SASH1: variants seen among roughly 807,000 people sequenced by gnomAD.
SASH1 encodes the protein SAM and SH3 domain containing 1.
In SASH1, 44 loss-of-function variants were observed where a neutral mutation model predicts 125.2. The ratio of observed to expected loss-of-function variants is 0.35; its 90% CI spans 0.28 to 0.45. The LOEUF (loss-of-function observed/expected upper bound fraction) is 0.45. SASH1 is among the 20% of genes least tolerant of loss of function. The pLI is 1.00. For synonymous variants in SASH1, 639 were observed against 649.1 expected (o/e 0.98, Z 0.24); for missense variants, 1,426 against 1,614.5 (o/e 0.88, Z 2.00).
intron 8 of SASH1, among the ~76,000 whole-genome samples, chr6:148,502,801 T>C (rs899109013): frequency 6.6e-6 from 1 of 152,212 alleles, no homozygotes; most frequent in African/African-American, 2.4e-5. Flanking sequence ...TGGACTAGGC[T>C]CATGTAGGGA....
chr6:148,316,607 T>G (rs1450753280), intron 1 of SASH1, among the ~76,000 whole-genome samples: 2 of 152,258 alleles, frequency 1.3e-5, no homozygotes, highest in East Asian at 3.8e-4. Context: ...GCGCATTATC[T>G]GGAGTCTCCA....
At chr6:148,399,671 C>T (rs1784097286) in intron 2 of SASH1, among the ~76,000 whole-genome samples, 1 of 152,216 alleles carries the variant, frequency 6.6e-6, no homozygotes, top group African/African-American at 2.4e-5. Context: ...TTTCCATTTG[C>T]ATACAACAGA....
At chr6:148,361,007 A>C (rs575488535) in intron 1 of SASH1, among the ~76,000 whole-genome samples, 1 of 152,304 alleles carries the variant, frequency 6.6e-6, no homozygotes, top group South Asian at 2.1e-4. Context: ...GGACACAGAC[A>C]CAGATGTGCA....
At chr6:148,212,092 C>T in the SASH1 span, among the ~76,000 whole-genome samples, 3 of 152,102 alleles carry the variant, frequency 2.0e-5, no homozygotes, top group South Asian at 2.1e-4. Flanking sequence ...GATAGCTCCC[C>T]GAGGGTACAC....
chr6:148,439,708 C>T (rs988569567), intron 2 of SASH1, among the ~76,000 whole-genome samples: 4 of 151,522 alleles, frequency 2.6e-5, no homozygotes, highest in Non-Finnish European at 4.4e-5. Context: ...ACCTGGAAGG[C>T]GGAGGTTGCA....
rs1368364572 is a variant in SASH1, at chr6:148,527,463, G to A, written c.1295G>A (p.Gly432Glu). 2 of 1,596,692 alleles carry A rather than the reference G, an allele frequency of 1.3e-6. No individual in the cohort carries two copies. The highest frequency in any genetic ancestry group is 1.7e-6 in the Non-Finnish European group (2 of 1,175,080). Residue 432 changes from glycine (G) to glutamate (E), a missense_variant, in exon 12 of 20, where the codon GGA (glycine) becomes GAA (glutamate). Physicochemically the swap from Gly to Glu is moderately conservative, Grantham distance 98. Around this residue, in one of 3 missense-constraint regions of SASH1, gnomAD observed 567 missense variants for 575.6 expected, o/e 0.99. Transcript: ENST00000367467. ...SNNSDPMGKE[G>E]DFVYKEVIKS... The stretch of plus-strand genomic sequence containing the variant: ...CATTTTGTTTTACAGGGTAAAGAAG[G>A]AGACTTTGTGTACAAAGAAGTCATC...
At chr6:148,340,409 G>A (rs1781285931), upstream of SASH1, among the ~76,000 whole-genome samples, 1 of 151,820 alleles carries the variant, frequency 6.6e-6, no homozygotes, top group Non-Finnish European at 1.5e-5. Flanking sequence ...CTTGAACCTG[G>A]GAGGCAGAGG....
the SASH1 span, among the ~76,000 whole-genome samples, chr6:148,211,303 G>T: frequency 2.0e-3 from 310 of 152,306 alleles, 2 homozygotes; most frequent in African/African-American, 7.1e-3. Context: ...GGGCACGGTG[G>T]CTCATGGCTG....
rs77295993 is a variant in SASH1 at position 148,494,861 on chromosome 6, T to C, written c.729+7146T>C. Among the ~76,000 whole-genome samples, 50 of 152,318 alleles carry C rather than the reference T, an allele frequency of 3.3e-4. No homozygotes were observed. The East Asian group carries it at 7.7e-3, about 24-fold the overall frequency. On this transcript the variant is annotated intron_variant, in intron 8 of 19. Coordinates refer to ENST00000367467, the MANE Select transcript of SASH1 (RefSeq NM_015278.5). ...GGAGCTATTTTCAATGTTTCCTTGA[T>C]TGAGGACTTCCAAGGTCTCAACTAA...
chr6:148,519,421 C>T lies in SASH1; in HGVS notation c.863-126C>T, dbSNP rs1334449196. 7 of 661,360 alleles carry T rather than the reference C, an allele frequency of 1.1e-5. No individual in the cohort carries two copies. The South Asian group carries it at 1.2e-4, about 11-fold the overall frequency. 41.0% of individuals were successfully genotyped at this position (661,360 alleles called of 1,614,324 possible). A position where few individuals can be genotyped will look rare whatever the true frequency, so the allele number is the denominator to read the frequency against. Reference sequence around the variant, plus strand: ...CACAGTGTATTTTCATTTTTCTGTACATATGTAAGTGGGAGCTGGGTTTAT... The same window carrying T: ...CACAGTGTATTTTCATTTTTCTGTATATATGTAAGTGGGAGCTGGGTTTAT... On this transcript the variant is annotated intron_variant, in intron 9 of 19. Coordinates refer to ENST00000367467, the MANE Select transcript of SASH1 (RefSeq NM_015278.5). This position sits in a 1 kb window ranked among gnomAD's most constrained non-coding sequence, Gnocchi z 4.8.
upstream of SASH1, among the ~76,000 whole-genome samples, chr6:148,341,317 G>GTTTTTTTTTTT (rs1179914037): frequency 5.8e-5 from 7 of 120,220 alleles, no homozygotes; most frequent in African/African-American, 1.9e-4. Flanking sequence ...GCTATGTTTT[G>GTTTTTTTTTTT]TTTTTTTTTT....
chr6:148,476,235 T>TAATGA (rs912408985), intron 7 of SASH1, among the ~76,000 whole-genome samples: 1 of 59,358 alleles, frequency 1.7e-5, no homozygotes, highest in African/African-American at 7.6e-5. Context: ...AAGCTCTCTA[T>TAATGA]AATGAAAACA....
the SASH1 span, among the ~76,000 whole-genome samples, chr6:148,218,840 T>A: frequency 1.3e-5 from 2 of 152,230 alleles, no homozygotes; most frequent in East Asian, 3.8e-4. Context: ...TTGGCTAGTG[T>A]GCCTGCCTCA....
the SASH1 span, among the ~76,000 whole-genome samples, chr6:148,210,849 C>T: frequency 2.0e-5 from 3 of 152,058 alleles, no homozygotes; most frequent in African/African-American, 7.2e-5. Context: ...AGTAGATCTT[C>T]AAATATTGCT....
intron 3 of SASH1, 59 bp downstream of exon 3, chr6:148,440,293 C>T: frequency 6.2e-7 from 1 of 1,606,736 alleles, no homozygotes; most frequent in Non-Finnish European, 8.5e-7. Flanking sequence ...TTAAGTGACA[C>T]TCTGTACAAA....
chr6:148,542,883 C>G (rs546588855), intron 17 of SASH1, among the ~76,000 whole-genome samples: 1 of 150,958 alleles, frequency 6.6e-6, no homozygotes, highest in Non-Finnish European at 1.5e-5. Flanking sequence ...TGTGTGTGCG[C>G]GCGCACATGT....
Position 148,544,939 on chromosome 6 carries a change from C to G in SASH1, c.3348+121C>G. On this transcript the variant is annotated intron_variant, in intron 18 of 19. Transcript: ENST00000367467. The surrounding 1 kb of genome is among the most constrained non-coding windows in gnomAD (Gnocchi z 6.4). ...AGCCCGCCCAGTGGACAGGAGACAC[C>G]TGAATCCACGTGTCCACACCTTACT... 1 of 904,886 alleles carries G rather than the reference C, an allele frequency of 1.1e-6. No individual in the cohort carries two copies. Among genetic ancestry groups the G allele is most frequent in the Non-Finnish European group, 1.6e-6 (1 of 611,302 alleles). 56.1% of individuals were successfully genotyped at this position (904,886 alleles called of 1,614,324 possible). A position where few individuals can be genotyped will look rare whatever the true frequency, so the allele number is the denominator to read the frequency against.
At chr6:148,459,324 C>A (rs917485421) in intron 4 of SASH1, among the ~76,000 whole-genome samples, 1 of 152,190 alleles carries the variant, frequency 6.6e-6, no homozygotes, top group African/African-American at 2.4e-5. Context: ...TCCTTCAAGC[C>A]CACATCGCTC....
the SASH1 span, among the ~76,000 whole-genome samples, chr6:148,246,673 C>T: frequency 6.6e-6 from 1 of 152,214 alleles, no homozygotes; most frequent in African/African-American, 2.4e-5. Context: ...GTATCAACCA[C>T]AGTCAGGTTC....
Sources: gnomAD v4.1 joint callset for allele counts (sites outside exome capture counted in the v4.1 genomes callset) on GRCh38, gnomAD v4.1.1 for gene constraint, gnomAD v4.1.1 regional missense constraint, Gnocchi (gnomAD v3.1) non-coding constraint, MANE v1.5 for transcripts, NCBI Gene and HGNC (gene_info 2026-07-23, HGNC 2026-07-21) for gene names.